The following FBH1 variants were observed in gnomAD, a reference collection of about 807,000 sequenced individuals.
FBH1 encodes DNA 3'-5' helicase 1.
Under a neutral mutation model 115.5 loss-of-function variants are expected in FBH1, and 43 were observed. That is an observed-to-expected ratio of 0.37 (90% CI 0.29 to 0.48). The LOEUF (loss-of-function observed/expected upper bound fraction) is 0.48. Ranked by LOEUF, FBH1 falls within the 20% of genes least tolerant of loss-of-function variation. FBH1 has a pLI of 0.99. For synonymous variants in FBH1, 524 were observed against 507.8 expected, an observed-to-expected ratio of 1.03 and a Z score of -0.43; for missense variants, 1,001 against 1,337.3, an observed-to-expected ratio of 0.75 and a Z score of 3.92.
intron 1 of FBH1, among the ~76,000 whole-genome samples, chr10:5,902,350 G>A (rs1033560278): frequency 6.6e-5 from 10 of 151,926 alleles, no homozygotes; most frequent in African/African-American, 2.4e-4. Flanking sequence ...TAACAAAAAA[G>A]AAAGTTATAA....
Position 5,900,364 on chromosome 10 carries a change from CAGACTT to C in FBH1, c.2-2652_2-2647del, listed in dbSNP as rs1347052415. Among the ~76,000 whole-genome samples, 1 of 152,228 alleles carries C rather than the reference CAGACTT, an allele frequency of 6.6e-6. No homozygotes were observed. The highest frequency in any genetic ancestry group is 1.9e-4 in the East Asian group (1 of 5,198). On this transcript the variant is annotated intron_variant, in intron 1 of 20. Coordinates refer to ENST00000362091, the MANE Select transcript of FBH1 (RefSeq NM_178150.3). This position sits in a 1 kb window ranked among gnomAD's most constrained non-coding sequence, Gnocchi z 4.2. The stretch of plus-strand genomic sequence containing the variant: ...CAGGGTGGTATGGCCGTAGACCTAT[CAGACTT>C]AGAGACCTGAGGTGCCCTGAAGCCA...
In FBH1 at chr10:5,933,629, G is replaced by A. The variant is rs150900853; in HGVS notation, c.2830-2827G>A. Among the ~76,000 whole-genome samples the A allele has an allele frequency of 1.1e-3, 169 of 151,352 alleles. No homozygotes were observed. The highest frequency in any genetic ancestry group is 3.9e-3 in the African/African-American group (160 of 40,920). ...AGGCTGTAAGACCTTGTTAGAAGTG[G>A]AGGCACTCTGCTGTTTTTTTTTTTT... On this transcript the variant is annotated intron_variant, in intron 19 of 20. Coordinates refer to ENST00000362091, the MANE Select transcript of FBH1 (RefSeq NM_178150.3). The surrounding 1 kb of genome is among the most constrained non-coding windows in gnomAD (Gnocchi z 4.9).
At chr10:5,890,054 A>C, upstream of FBH1, 1 of 287,120 alleles carries the variant, frequency 3.5e-6, no homozygotes. Context: ...GTGGCCCGGT[A>C]GCTGTGGCCG....
At position 5,916,400 on chromosome 10, in the gene FBH1, A is replaced by G. The variant is rs765708557; in HGVS notation, c.1732A>G (p.Ile578Val). 1.2e-6 allele frequency: 2 copies of G among 1,614,140 alleles called. No homozygotes were observed. The highest frequency in any genetic ancestry group is 8.5e-7 in the Non-Finnish European group (1 of 1,180,038). ...AGAGCTGACCATTGATCACGTGCCT[A>G]TTTGGTGTAAGAACAGCCAAGGACA... Reference protein sequence around the residue: ...DEELTIDHVPIWCKNSQGQRV... With the variant: ...DEELTIDHVPVWCKNSQGQRV... Residue 578 changes from isoleucine to valine, a missense_variant, in exon 10 of 21, where the codon ATT becomes GTT. Ile to Val is a conservative substitution (Grantham distance 29). Coordinates refer to ENST00000362091, the MANE Select transcript of FBH1 (RefSeq NM_178150.3).
In FBH1 at chr10:5,925,643, C is replaced by G; in HGVS notation, c.2722+151C>G. The G allele has an allele frequency of 1.7e-6, 2 of 1,183,580 alleles. No homozygotes were observed. The highest frequency in any genetic ancestry group is 2.4e-6 in the Non-Finnish European group (2 of 850,500). The allele number at this position is 1,183,580 out of a possible 1,614,324, so 73.3% of individuals were successfully genotyped here. A position where few individuals can be genotyped will look rare whatever the true frequency, so the allele number is the denominator to read the frequency against. ...CTAAACCACAAAACACCTCCTAGTCCTAAACTTTTGATTCTTATACTGTGG... is the reference window on the plus strand; with the variant it reads ...CTAAACCACAAAACACCTCCTAGTCGTAAACTTTTGATTCTTATACTGTGG... On this transcript the variant is annotated intron_variant, in intron 18 of 20. Transcript: ENST00000362091. This position sits in a 1 kb window ranked among gnomAD's most constrained non-coding sequence, Gnocchi z 4.6.
At chr10:5,904,816 G>T (rs1268904201) in intron 2 of FBH1, among the ~76,000 whole-genome samples, 6 of 152,058 alleles carry the variant, frequency 3.9e-5, no homozygotes, top group African/African-American at 1.4e-4. Flanking sequence ...GATTGCCCAA[G>T]AAACAGTTAA....
In FBH1 at chr10:5,915,386, C is replaced by T. The variant is rs1280157731; in HGVS notation, c.1397-17C>T. On this transcript the variant is annotated splice_polypyrimidine_tract_variant and intron_variant, in intron 8 of 20. Transcript: ENST00000362091. The surrounding 1 kb of genome is among the most constrained non-coding windows in gnomAD (Gnocchi z 5.2). The stretch of plus-strand genomic sequence containing the variant: ...GTCTGGTCAGAGGGTCACCTCCTTT[C>T]CTCCTGGCTTCCCCAGGCACTGGGA... 4.3e-6 allele frequency: 7 copies of T among 1,613,410 alleles called. No homozygotes were observed. The Admixed American group carries it at 1.2e-4, about 27-fold the overall frequency.
chr10:5,937,302 CA>C lies in FBH1; in HGVS notation c.*23del. ...CTGAGGACAAGGCGCACGTTCTCCG[CA>C]GTGCAGAGCAGCTTGCCGAGGACCC... On this transcript the variant is annotated 3_prime_UTR_variant, in exon 21 of 21. Transcript: ENST00000362091. The C allele has an allele frequency of 6.6e-7, 1 of 1,517,982 alleles. No homozygotes were observed. The allele number at this position is 1,517,982 out of a possible 1,614,324, so 94.0% of individuals were successfully genotyped here.
rs1290776978 is a variant in FBH1 at position 5,936,250 on chromosome 10, G to GCAATTGGACTGT, written c.2830-203_2830-192dup. The GCAATTGGACTGT allele has an allele frequency of 2.0e-5, 8 of 403,238 alleles. No homozygotes were observed. Among genetic ancestry groups the GCAATTGGACTGT allele is most frequent in the Non-Finnish European group, 3.2e-5 (7 of 217,346 alleles). 25.0% of individuals were successfully genotyped at this position (403,238 alleles called of 1,614,324 possible). On this transcript the variant is annotated intron_variant, in intron 19 of 20. Coordinates refer to ENST00000362091, the MANE Select transcript of FBH1 (RefSeq NM_178150.3). The surrounding 1 kb of genome is among the most constrained non-coding windows in gnomAD (Gnocchi z 5.6). ...TGTTAAATATATATATATTTAAAAA[G>GCAATTGGACTGT]CAATTGGACTGTCAGTTGGACTGTC... is the stretch of plus-strand genomic sequence containing the variant.
At chr10:5,905,730 A>G (rs1166445875) in intron 2 of FBH1, among the ~76,000 whole-genome samples, 1 of 152,048 alleles carries the variant, frequency 6.6e-6, no homozygotes, top group Non-Finnish European at 1.5e-5. Flanking sequence ...TTGTCTGTCC[A>G]TTCAGATGTT....
Position 5,925,279 on chromosome 10 carries a change from A to T in FBH1, c.2597-88A>T, listed in dbSNP as rs1832576317. 24 of 1,521,174 alleles carry T rather than the reference A, an allele frequency of 1.6e-5. No individual in the cohort carries two copies. Among genetic ancestry groups the T allele is most frequent in the Non-Finnish European group, 2.0e-5 (22 of 1,119,168 alleles). 94.2% of individuals were successfully genotyped at this position (1,521,174 alleles called of 1,614,324 possible). ...ACTGAGGCAAGAAATGTTCGAGTTC[A>T]GAGTCAAGTGGGAAACATGTATGTT... On this transcript the variant is annotated intron_variant, in intron 17 of 20. Transcript: ENST00000362091. The surrounding 1 kb of genome is among the most constrained non-coding windows in gnomAD (Gnocchi z 4.6).
In FBH1 at chr10:5,924,188, G is replaced by C. The variant is rs1832487654; in HGVS notation, c.2399-123G>C. On this transcript the variant is annotated intron_variant, in intron 16 of 20. Transcript: ENST00000362091. The surrounding 1 kb of genome is among the most constrained non-coding windows in gnomAD (Gnocchi z 6.2). ...CGAGTTAGTGATGCAGTCAGGCCTG[G>C]AACCCGGGTCTCCCCACTTTAAGAC... The C allele has an allele frequency of 1.1e-6, 1 of 888,240 alleles. No individual in the cohort carries two copies. The highest frequency in any genetic ancestry group is 1.7e-5 in the African/African-American group (1 of 60,036). 55.0% of individuals were successfully genotyped at this position (888,240 alleles called of 1,614,324 possible).
At position 5,918,174 on chromosome 10, in the gene FBH1, C is replaced by T. The variant is rs1832089129; in HGVS notation, c.1964-168C>T. Among the ~76,000 whole-genome samples, 1 of 152,192 alleles carries T rather than the reference C, an allele frequency of 6.6e-6. No individual in the cohort carries two copies. The highest frequency in any genetic ancestry group is 2.4e-5 in the African/African-American group (1 of 41,438). ...AGCACCAGAAACTGTTTCTTTTGTCCATTATAAAATGGCTGCTTTTGATGG... is the reference window on the plus strand; with the variant it reads ...AGCACCAGAAACTGTTTCTTTTGTCTATTATAAAATGGCTGCTTTTGATGG... On this transcript the variant is annotated intron_variant, in intron 12 of 20. Transcript: ENST00000362091. This position sits in a 1 kb window ranked among gnomAD's most constrained non-coding sequence, Gnocchi z 4.0.
chr10:5,890,419 C>T (rs1464820738), intron 1 of FBH1, 73 bp downstream of exon 1: 7 of 357,780 alleles, frequency 2.0e-5, no homozygotes, highest in Non-Finnish European at 3.7e-5. Flanking sequence ...CCTCCGGGGT[C>T]CTGCGCGGGG....
chr10:5,920,843 TG>T (rs1832268431), intron 13 of FBH1, among the ~76,000 whole-genome samples: 1 of 152,142 alleles, frequency 6.6e-6, no homozygotes, highest in Non-Finnish European at 1.5e-5. Context: ...GAAAACCGCG[TG>T]GGCTGAGGCA....
At chr10:5,893,372 TCCAATTTCTTTTTTTGAAGC>T (rs1842842889) in intron 1 of FBH1, among the ~76,000 whole-genome samples, 1 of 152,046 alleles carries the variant, frequency 6.6e-6, no homozygotes, top group Admixed American at 6.5e-5. Context: ...CCTGATAAAG[TCCAATTTCTTTTTTTGAAGC>T]CCAATTTCTT....
At chr10:5,894,334 C>T (rs1589041821) in intron 1 of FBH1, 1 of 1,543,250 alleles carries the variant, frequency 6.5e-7, no homozygotes, top group African/African-American at 1.4e-5. Context: ...TGACATTTCA[C>T]AATGATTTTA....
rs781518360 is a variant in FBH1 at position 5,909,264 on chromosome 10, A to G, written c.990A>G (p.Gln330=). The G allele has an allele frequency of 8.7e-6, 14 of 1,611,878 alleles. No individual in the cohort carries two copies. The change falls in exon 5 of 21, where the codon CAA becomes CAG. Residue 330 remains glutamine (Q), a synonymous_variant. Coordinates refer to ENST00000362091, the MANE Select transcript of FBH1 (RefSeq NM_178150.3). The surrounding 1 kb of genome is among the most constrained non-coding windows in gnomAD (Gnocchi z 4.4). ...LLPEAEACVR[Q]HLPDLYAAAG... is the part of the protein sequence containing the mutation. ...CCGAGGCTGAGGCGTGTGTGCGGCAACACCTCCCCGACCTCTACGCTGCTG... is the reference window on the plus strand; with the variant it reads ...CCGAGGCTGAGGCGTGTGTGCGGCAGCACCTCCCCGACCTCTACGCTGCTG...
chr10:5,930,142 C>G (rs1224869842), intron 19 of FBH1, among the ~76,000 whole-genome samples: 2 of 152,154 alleles, frequency 1.3e-5, no homozygotes, highest in African/African-American at 4.8e-5. Context: ...GTACACATCT[C>G]CAAAAAATAT....
Sources: allele counts gnomAD v4.1 joint callset (sites outside exome capture counted in the v4.1 genomes callset), GRCh38; gene constraint gnomAD v4.1.1; non-coding constraint Gnocchi (gnomAD v3.1); transcripts MANE v1.5; gene names NCBI Gene and HGNC (gene_info 2026-07-23, HGNC 2026-07-21).